The following AAMDC variants were observed in gnomAD, a reference collection of about 807,000 sequenced individuals.
AAMDC encodes the protein adipogenesis associated Mth938 domain containing.
AAMDC carries 16 observed loss-of-function variants against 15.5 expected under a neutral mutation model. That is an observed-to-expected ratio of 1.03 (90% CI 0.70 to 1.57). The LOEUF is 1.57. AAMDC is among the 40% of genes most tolerant of loss of function. The pLI, the probability that AAMDC is intolerant of heterozygous loss-of-function variation, is 0.00. For synonymous variants in AAMDC, 51 were observed against 51.6 expected (o/e 0.99, Z 0.05); for missense variants, 141 against 144.9 (o/e 0.97, Z 0.14).
At chr11:77,878,814 G>C in intron 5 of AAMDC, 1 of 763,174 alleles carries the variant, frequency 1.3e-6, no homozygotes, top group Non-Finnish European at 2.4e-6. Flanking sequence ...TCCTGTGTTT[G>C]ATACCAGATG....
chr11:77,828,708 G>A (rs1361749473), intron 1 of AAMDC, among the ~76,000 whole-genome samples: 1 of 150,806 alleles, frequency 6.6e-6, no homozygotes, highest in Non-Finnish European at 1.5e-5. Flanking sequence ...ATAAAACATT[G>A]TTCAAGGAAA....
chr11:77,900,810 A>G, downstream of AAMDC: 1 of 592,044 alleles, frequency 1.7e-6, no homozygotes, highest in African/African-American at 1.9e-5. Context: ...AAAGTCTTAC[A>G]GATATAATTA....
At chr11:77,878,914 C>G (rs1029792470) in intron 5 of AAMDC, 1 of 1,553,420 alleles carries the variant, frequency 6.4e-7, no homozygotes, top group Middle Eastern at 1.8e-4. Context: ...CTAAGAAGGG[C>G]CCTCTAGGCC....
intron 1 of AAMDC, among the ~76,000 whole-genome samples, chr11:77,822,414 CAAA>C (rs66463325): frequency 6.7e-5 from 5 of 74,782 alleles, no homozygotes; most frequent in African/African-American, 9.9e-5. Context: ...GACTCCACCT[CAAA>C]AAAAAAAAAA....
intron 1 of AAMDC, among the ~76,000 whole-genome samples, chr11:77,828,734 A>G (rs1949292440): frequency 6.6e-6 from 1 of 152,136 alleles, no homozygotes; most frequent in African/African-American, 2.4e-5. Context: ...AAAGACGTAC[A>G]TGGGAAGAAA....
intron 5 of AAMDC, among the ~76,000 whole-genome samples, chr11:77,885,613 G>C (rs1951970626): frequency 6.6e-6 from 1 of 151,950 alleles, no homozygotes; most frequent in African/African-American, 2.4e-5. Context: ...GAGGTCAGGA[G>C]TTCAAGACCA....
intron 2 of AAMDC, among the ~76,000 whole-genome samples, chr11:77,862,454 C>G (rs183927932): frequency 5.8e-4 from 88 of 152,238 alleles, no homozygotes; most frequent in African/African-American, 2.0e-3. Context: ...GAAAAAGGTA[C>G]GTGTACTCTG....
At chr11:77,835,922 A>T (rs79097631) in intron 1 of AAMDC, among the ~76,000 whole-genome samples, 4,076 of 152,168 alleles carry the variant, frequency 0.027, 151 homozygotes, top group African/African-American at 0.086. Context: ...AAGAAAAAAA[A>T]AATAATAATA....
intron 1 of AAMDC, among the ~76,000 whole-genome samples, chr11:77,837,784 C>T (rs527563132): frequency 4.9e-4 from 74 of 152,136 alleles, no homozygotes; most frequent in Non-Finnish European, 8.8e-4. Context: ...AGCCTGGGCA[C>T]AGTGGCTCAT....
chr11:77,848,016 T>C (rs181375986), intron 2 of AAMDC, among the ~76,000 whole-genome samples: 5 of 152,270 alleles, frequency 3.3e-5, no homozygotes, highest in Admixed American at 2.6e-4. Flanking sequence ...CCTCAATGGA[T>C]TGGATGATGC....
intron 2 of AAMDC, among the ~76,000 whole-genome samples, chr11:77,846,228 A>C (rs963611623): frequency 7.2e-5 from 11 of 152,176 alleles, no homozygotes; most frequent in Non-Finnish European, 1.6e-4. Context: ...CATTGCTGGA[A>C]TCAGATGTTT....
chr11:77,825,296 G>A (rs1206892148), intron 1 of AAMDC, among the ~76,000 whole-genome samples: 1 of 151,656 alleles, frequency 6.6e-6, no homozygotes, highest in Non-Finnish European at 1.5e-5. Context: ...TTTTTTTAAT[G>A]GATATTATAA....
rs868253149 is a variant in AAMDC, at chr11:77,866,325, C to T, written c.133-3397C>T. On this transcript the variant is annotated intron_variant, in intron 2 of 3. Coordinates refer to ENST00000393427, the MANE Select transcript of AAMDC (RefSeq NM_024684.4). ...CCTTAGATCGTGTGACAGAAAGCCT[C>T]TTAAAGTAGAGGAACAGAATCAGAC... 3.3e-5 allele frequency: 5 copies of T among 152,258 alleles called. No individual in the cohort carries two copies. The South Asian group carries it at 8.3e-4, about 25-fold the overall frequency. The allele number at this position is 152,258 out of a possible 1,614,324, so 9.4% of individuals were successfully genotyped here. A position where few individuals can be genotyped will look rare whatever the true frequency, so the allele number is the denominator to read the frequency against.
chr11:77,900,314 T>C (rs1952730420), intron 5 of AAMDC, among the ~76,000 whole-genome samples: 1 of 152,144 alleles, frequency 6.6e-6, no homozygotes, highest in Admixed American at 6.5e-5. Context: ...TTAGCCAGGA[T>C]GCTCTTGATC....
chr11:77,899,546 T>C (rs1212895293), intron 5 of AAMDC, among the ~76,000 whole-genome samples: 2 of 151,890 alleles, frequency 1.3e-5, no homozygotes, highest in African/African-American at 4.8e-5. Flanking sequence ...GTTGCATGCC[T>C]GTAATCCCAG....
chr11:77,830,548 G>A (rs900946752), intron 1 of AAMDC, among the ~76,000 whole-genome samples: 1 of 139,752 alleles, frequency 7.2e-6, no homozygotes, highest in African/African-American at 2.7e-5. Flanking sequence ...TAAAGCTCAG[G>A]GCCCTTGTCC....
chr11:77,884,825 A>G (rs1482872527), intron 5 of AAMDC: 1 of 405,960 alleles, frequency 2.5e-6, no homozygotes, highest in Non-Finnish European at 5.1e-6. Context: ...CACGATCATA[A>G]CTCACTGAAG....
At chr11:77,848,807 T>A (rs1393579657) in intron 2 of AAMDC, among the ~76,000 whole-genome samples, 1 of 151,534 alleles carries the variant, frequency 6.6e-6, no homozygotes, top group Non-Finnish European at 1.5e-5. Context: ...GTTATCCTCT[T>A]ATATCCACAA....
intron 1 of AAMDC, chr11:77,841,024 G>C: frequency 1.8e-6 from 1 of 560,084 alleles, no homozygotes; most frequent in Non-Finnish European, 3.2e-6. Flanking sequence ...CACAGTTCTG[G>C]AGGCTGGGAA....
Sources: allele counts gnomAD v4.1 joint callset (sites outside exome capture counted in the v4.1 genomes callset), GRCh38; gene constraint gnomAD v4.1.1; transcripts MANE v1.5; gene names NCBI Gene and HGNC (gene_info 2026-07-23, HGNC 2026-07-21).